Variants in ZBTB37 observed in about 807,000 individuals in gnomAD.
ZBTB37 encodes zinc finger and BTB domain containing 37.
Under a neutral mutation model 37.7 loss-of-function variants are expected in ZBTB37, and 15 were observed. That is an observed-to-expected ratio of 0.40 (90% CI 0.27 to 0.61). ZBTB37 has a LOEUF of 0.61. Ranked by LOEUF, ZBTB37 falls within the 20% of genes least tolerant of loss-of-function variation. The pLI is 0.44. For synonymous variants in ZBTB37, 231 were observed against 220.6 expected (o/e 1.05, Z -0.42); for missense variants, 514 against 641.9 (o/e 0.80, Z 2.15).
At chr1:173,874,978 A>G (rs1003319970) in intron 4 of ZBTB37, among the ~76,000 whole-genome samples, 9 of 152,186 alleles carry the variant, frequency 5.9e-5, no homozygotes, top group African/African-American at 2.2e-4. Context: ...GGGAAATATA[A>G]AAAAGTAAGA....
intron 3 of ZBTB37, among the ~76,000 whole-genome samples, chr1:173,872,787 C>G (rs1487598223): frequency 2.0e-5 from 3 of 151,814 alleles, no homozygotes; most frequent in Non-Finnish European, 4.4e-5. Context: ...GCAGGTGGAT[C>G]ACTTGAGGCC....
chr1:173,875,166 GTGTACT>G (rs1163702871), intron 4 of ZBTB37, among the ~76,000 whole-genome samples: 1 of 145,004 alleles, frequency 6.9e-6, no homozygotes, highest in East Asian at 2.0e-4. Flanking sequence ...GTGTGCACGT[GTGTACT>G]GTATATACTA....
exon 4 of ZBTB37, chr1:173,902,699 C>G (rs1241232564): frequency 6.6e-6 from 1 of 152,242 alleles, no homozygotes; most frequent in African/African-American, 2.4e-5. Flanking sequence ...ACCTCCCCCT[C>G]TTTCCCTTTA....
At chr1:173,883,596 T>G (rs1474092753) in intron 4 of ZBTB37, among the ~76,000 whole-genome samples, 1 of 152,258 alleles carries the variant, frequency 6.6e-6, no homozygotes, top group African/African-American at 2.4e-5. Flanking sequence ...TTATTCTGTT[T>G]TGTCCCTGGT....
exon 4 of ZBTB37, chr1:173,896,523 T>G (rs9425434): frequency 6.6e-6 from 1 of 152,114 alleles, no homozygotes; most frequent in Non-Finnish European, 1.5e-5. Flanking sequence ...GAAAAATAAT[T>G]CTTACTATTC....
At chr1:173,871,630 A>G (rs1356579576) in intron 3 of ZBTB37, among the ~76,000 whole-genome samples, 2 of 152,190 alleles carry the variant, frequency 1.3e-5, no homozygotes, top group Non-Finnish European at 2.9e-5. Context: ...TGTTCTTTTC[A>G]AATTAGTAAA....
At chr1:173,877,453 C>G (rs1246541228) in intron 4 of ZBTB37, among the ~76,000 whole-genome samples, 2 of 142,602 alleles carry the variant, frequency 1.4e-5, no homozygotes, top group African/African-American at 5.1e-5. Context: ...ATGATCATGT[C>G]TCACTGCAGC....
At chr1:173,887,842 C>T (rs1374033413), downstream of ZBTB37, 1 of 152,164 alleles carries the variant, frequency 6.6e-6, no homozygotes, top group Non-Finnish European at 1.5e-5. Flanking sequence ...TAGTCATGTG[C>T]TCCTTTCCTG....
intron 4 of ZBTB37, 180 bp downstream of exon 4, chr1:173,873,746 A>G: frequency 2.8e-6 from 3 of 1,075,398 alleles, no homozygotes; most frequent in Non-Finnish European, 3.7e-6. Flanking sequence ...CAGAGACATC[A>G]CCAGAAAGGA....
At chr1:173,876,094 T>C (rs2065170) in intron 4 of ZBTB37, among the ~76,000 whole-genome samples, 15,279 of 152,130 alleles carry the variant, frequency 0.1, 960 homozygotes, top group East Asian at 0.31. Flanking sequence ...TCTTTGCAAC[T>C]CTCCTTAGCA....
intron 4 of ZBTB37, among the ~76,000 whole-genome samples, chr1:173,873,837 T>G (rs1247041401): frequency 6.6e-6 from 1 of 152,212 alleles, no homozygotes; most frequent in African/African-American, 2.4e-5. Context: ...TGATAGCTGG[T>G]TTAACATTTT....
chr1:173,895,479 C>T (rs1657009142), exon 4 of ZBTB37: 1 of 152,156 alleles, frequency 6.6e-6, no homozygotes, highest in African/African-American at 2.4e-5. Context: ...GGTGAATACT[C>T]TTGTGGTATG....
chr1:173,873,037 A>G (rs572381034), intron 3 of ZBTB37, among the ~76,000 whole-genome samples: 3 of 152,244 alleles, frequency 2.0e-5, no homozygotes, highest in East Asian at 1.9e-4. Context: ...ATCAATTTCA[A>G]TGCAAAGATT....
chr1:173,885,873 C>T, exon 5 of ZBTB37: 2 of 1,551,850 alleles, frequency 1.3e-6, no homozygotes, highest in East Asian at 2.4e-5. Flanking sequence ...GTATCATATC[C>T]GCAAGCACAC....
intron 4 of ZBTB37, among the ~76,000 whole-genome samples, chr1:173,881,826 G>A (rs1382292396): frequency 3.9e-5 from 6 of 152,196 alleles, no homozygotes; most frequent in East Asian, 1.9e-4. Flanking sequence ...AGGCCGAGGC[G>A]GGCGGATCAC....
chr1:173,896,715 A>C (rs1657060768), exon 4 of ZBTB37: 1 of 152,226 alleles, frequency 6.6e-6, no homozygotes, highest in African/African-American at 2.4e-5. Flanking sequence ...TTCTGCTTTT[A>C]GTCACATCTT....
chr1:173,882,421 T>C (rs970106450), intron 4 of ZBTB37, among the ~76,000 whole-genome samples: 1 of 151,868 alleles, frequency 6.6e-6, no homozygotes, highest in Non-Finnish European at 1.5e-5. Context: ...TTTGTATTTT[T>C]AGTAGAGACA....
At chr1:173,887,384 A>G (rs181195852), downstream of ZBTB37, 3 of 152,206 alleles carry the variant, frequency 2.0e-5, no homozygotes, top group Admixed American at 6.5e-5. Context: ...TTTTAATAAT[A>G]TACTACAGGG....
intron 4 of ZBTB37, among the ~76,000 whole-genome samples, chr1:173,875,294 T>G (rs1655888568): frequency 6.6e-6 from 1 of 150,552 alleles, no homozygotes; most frequent in African/African-American, 2.5e-5. Context: ...ATTTGTAGCA[T>G]TTTATTTATA....
Sources: allele counts gnomAD v4.1 joint callset (sites outside exome capture counted in the v4.1 genomes callset), GRCh38; gene constraint gnomAD v4.1.1; transcripts MANE v1.5; gene names NCBI Gene and HGNC (gene_info 2026-07-23, HGNC 2026-07-21).